TRIP12: variants seen among roughly 807,000 people sequenced by gnomAD.
The protein encoded by TRIP12 is E3 ubiquitin-protein ligase TRIP12.
Under a neutral mutation model 244.2 loss-of-function variants are expected in TRIP12, and 25 were observed. The observed-to-expected ratio is 0.10, with a 90% CI of 0.07 to 0.14. The LOEUF is 0.14. TRIP12 is among the 10% of genes least tolerant of loss of function. TRIP12 has a pLI of 1.00. For synonymous variants in TRIP12, 905 were observed against 873.1 expected (o/e 1.04, Z -0.64); for missense variants, 1,677 against 2,486.4 (o/e 0.67, Z 6.92).
In TRIP12 at chr2:229,795,387, C is replaced by T. The variant is rs556565492; in HGVS notation, c.3817-57G>A. On this transcript the variant is annotated intron_variant, in intron 25 of 41. Coordinates refer to ENST00000675903, the MANE Select transcript of TRIP12 (RefSeq NM_001348323.3). ...AAAGCCTTTTCAAAACAAAAGTCTC[C>T]TCAAAGAGAAGATTTAATAAGCAGC... 309 of 1,545,968 alleles carry T rather than the reference C, an allele frequency of 2.0e-4. 1 individual carries two copies. In the African/African-American group the frequency reaches 3.8e-3, roughly 19 times the overall value.
At chr2:229,910,998 A>G (rs1052501577) in intron 1 of TRIP12, among the ~76,000 whole-genome samples, 2 of 152,236 alleles carry the variant, frequency 1.3e-5, no homozygotes, top group African/African-American at 4.8e-5. Context: ...GTGGAAGGGT[A>G]GAGAGCAGGG....
At chr2:229,788,961 A>C (rs773916507) in intron 31 of TRIP12, 21 bp from the exon 32 acceptor site, 4 of 1,585,192 alleles carry the variant, frequency 2.5e-6, no homozygotes, top group Admixed American at 1.8e-5. Context: ...TTTAAAAAAA[A>C]AAAAGTCTAC....
Position 229,778,756 on chromosome 2 carries a change from C to T in TRIP12, c.5209+120G>A. 3.0e-6 allele frequency: 4 copies of T among 1,343,994 alleles called. No homozygotes were observed. Among genetic ancestry groups the T allele is most frequent in the Non-Finnish European group, 4.1e-6 (4 of 970,900 alleles). 83.3% of individuals were successfully genotyped at this position (1,343,994 alleles called of 1,614,324 possible). A position where few individuals can be genotyped will look rare whatever the true frequency, so the allele number is the denominator to read the frequency against. Reference sequence around the variant, plus strand: ...CTTCCCTATTTGATAAATGAGAAAACAGAGGCTAAAAGAAAGCAAGTACAG... The same window carrying T: ...CTTCCCTATTTGATAAATGAGAAAATAGAGGCTAAAAGAAAGCAAGTACAG... On this transcript the variant is annotated intron_variant, in intron 35 of 41. Transcript: ENST00000675903. This position sits in a 1 kb window ranked among gnomAD's most constrained non-coding sequence, Gnocchi z 4.1.
chr2:229,799,381 C>A lies in TRIP12; in HGVS notation c.3209G>T (p.Arg1070Leu). ...DDSLDLSPQG[R>L]LSDVLKRKRL... ...TTTTCTCTTTAGAACATCACTTAAT[C>A]GACTGTCCATGGGAAAATATGAGAT... is the stretch of plus-strand genomic sequence containing the variant. Residue 1070 changes from arginine (R) to leucine (L), a missense_variant and splice_region_variant, in exon 22 of 42, where the codon CGA becomes CTA. This residue lies in a region of TRIP12 where 572 missense variants were observed against 867.8 expected (regional missense o/e 0.66). Coordinates refer to ENST00000675903, the MANE Select transcript of TRIP12 (RefSeq NM_001348323.3). The A allele has an allele frequency of 6.2e-7, 1 of 1,610,530 alleles. No homozygotes were observed. Among genetic ancestry groups the A allele is most frequent in the Non-Finnish European group, 8.5e-7 (1 of 1,177,738 alleles).
chr2:229,820,536 T>G (rs2049777544), intron 8 of TRIP12, among the ~76,000 whole-genome samples: 1 of 152,226 alleles, frequency 6.6e-6, no homozygotes, highest in Non-Finnish European at 1.5e-5. Flanking sequence ...TTATTGATAA[T>G]TTTAAAATAT....
At chr2:229,819,371 C>T (rs369200406) in intron 8 of TRIP12, among the ~76,000 whole-genome samples, 1 of 152,068 alleles carries the variant, frequency 6.6e-6, no homozygotes, top group African/African-American at 2.4e-5. Flanking sequence ...ATGGCGAAAC[C>T]GCATCTCCAC....
intron 2 of TRIP12, among the ~76,000 whole-genome samples, chr2:229,867,148 G>C (rs2061664193): frequency 8.1e-6 from 1 of 124,038 alleles, no homozygotes; most frequent in Non-Finnish European, 1.7e-5. Context: ...AGACAGGGAA[G>C]GTTTTTTTTT....
rs1404443409 is a variant in TRIP12, at chr2:229,821,105, T to C, written c.1451-2593A>G. 6.6e-5 allele frequency among the ~76,000 whole-genome samples: 10 copies of C among 152,318 alleles called. 1 individual carries two copies. The South Asian group carries it at 1.5e-3, about 22-fold the overall frequency. On this transcript the variant is annotated intron_variant, in intron 8 of 41. Transcript: ENST00000675903. ...TCTTGGGAGTAAAGACCTAATTAAA[T>C]TAACTTTGGTTCAGTAAGGGCATCT...
chr2:229,828,694 G>C (rs1020414670), intron 8 of TRIP12, among the ~76,000 whole-genome samples: 4 of 152,098 alleles, frequency 2.6e-5, no homozygotes, highest in Non-Finnish European at 5.9e-5. Flanking sequence ...CTGGACCCGA[G>C]AGGCAGAGGT....
chr2:229,901,269 C>G (rs1204528966), intron 1 of TRIP12, among the ~76,000 whole-genome samples: 2 of 151,880 alleles, frequency 1.3e-5, no homozygotes, highest in East Asian at 3.9e-4. Flanking sequence ...ATTTTGTTCA[C>G]AAAATGCTTT....
In TRIP12 at chr2:229,848,158, T is replaced by C. The variant is rs190700591; in HGVS notation, c.1028-7231A>G. Among the ~76,000 whole-genome samples, 784 of 152,254 alleles carry C rather than the reference T, an allele frequency of 5.1e-3. 6 individuals are homozygous for C. The highest frequency in any genetic ancestry group is 9.3e-3 in the Non-Finnish European group (632 of 68,030). ...ATGACCCAACCAGATCACTAAACAA[T>C]GAATCTCGGTCAAACCTCCCTTATG... On this transcript the variant is annotated intron_variant, in intron 4 of 41. Transcript: ENST00000675903.
intron 1 of TRIP12, among the ~76,000 whole-genome samples, chr2:229,906,071 G>A (rs867447982): frequency 2.6e-5 from 4 of 152,142 alleles, no homozygotes; most frequent in Middle Eastern, 3.2e-3. Context: ...TTGGGAGGCC[G>A]AGGTGGGCAG....
chr2:229,860,582 T>C, intron 2 of TRIP12, 51 bp from the exon 3 acceptor site: 2 of 1,499,324 alleles, frequency 1.3e-6, no homozygotes, highest in Admixed American at 2.1e-5. Context: ...GAGATGCAAA[T>C]ACAATACTGA....
At chr2:229,789,000 C>A in intron 31 of TRIP12, 60 bp from the exon 32 acceptor site, 1 of 1,455,684 alleles carries the variant, frequency 6.9e-7, no homozygotes, top group Non-Finnish European at 9.3e-7. Flanking sequence ...ATTATATTCA[C>A]AATCTCTTCC....
intron 1 of TRIP12, among the ~76,000 whole-genome samples, chr2:229,881,791 G>A (rs1266717399): frequency 6.6e-6 from 1 of 152,150 alleles, no homozygotes; most frequent in Non-Finnish European, 1.5e-5. Flanking sequence ...AAGAAGACTT[G>A]TATATAAGTT....
chr2:229,811,673 A>AATAG (rs2047285076), intron 13 of TRIP12, among the ~76,000 whole-genome samples: 1 of 152,212 alleles, frequency 6.6e-6, no homozygotes, highest in African/African-American at 2.4e-5. Context: ...AAAAACAAAT[A>AATAG]ATTCACTATG....
chr2:229,824,809 A>G (rs1324841301), intron 8 of TRIP12, among the ~76,000 whole-genome samples: 2 of 152,230 alleles, frequency 1.3e-5, no homozygotes, highest in African/African-American at 2.4e-5. Context: ...AAAATTTAAA[A>G]GATTATTTAT....
chr2:229,897,633 T>G (rs572967632), intron 1 of TRIP12, among the ~76,000 whole-genome samples: 33 of 152,192 alleles, frequency 2.2e-4, no homozygotes, highest in African/African-American at 8.0e-4. Flanking sequence ...GGCGACAGAG[T>G]GAGACTCCGT....
At chr2:229,864,083 C>T (rs985622965) in intron 2 of TRIP12, among the ~76,000 whole-genome samples, 45 of 148,738 alleles carry the variant, frequency 3.0e-4, no homozygotes, top group African/African-American at 3.9e-4. Flanking sequence ...TGTGTGCACG[C>T]GCACACGTGC....
Sources: allele counts gnomAD v4.1 joint callset (sites outside exome capture counted in the v4.1 genomes callset), GRCh38; gene constraint gnomAD v4.1.1; regional missense constraint gnomAD v4.1.1; non-coding constraint Gnocchi (gnomAD v3.1); transcripts MANE v1.5; gene names NCBI Gene and HGNC (gene_info 2026-07-23, HGNC 2026-07-21).